The following CYB5R2 variants were observed in gnomAD, a reference collection of about 807,000 sequenced individuals.
The protein encoded by CYB5R2 is NADH-cytochrome b5 reductase 2.
Under a neutral mutation model 29.8 loss-of-function variants are expected in CYB5R2, and 35 were observed. That is an observed-to-expected ratio of 1.17 (90% CI 0.90 to 1.56). CYB5R2 has a LOEUF of 1.56. CYB5R2 is among the 40% of genes most tolerant of loss of function. The pLI, the probability that CYB5R2 is intolerant of heterozygous loss-of-function variation, is 0.00. For synonymous variants in CYB5R2, 169 were observed against 130.6 expected (o/e 1.29, Z -2.01); for missense variants, 419 against 346.7 (o/e 1.21, Z -1.66).
chr11:7,669,613 G>A lies in CYB5R2; in HGVS notation c.258+12C>T. The stretch of plus-strand genomic sequence containing the variant: ...AAGCACGAGCTAGCCAGATATGGTG[G>A]GCACTATTTACCTTTATAATTAGGT... On this transcript the variant is annotated intron_variant, in intron 4 of 8. Coordinates refer to ENST00000299498, the MANE Select transcript of CYB5R2 (RefSeq NM_016229.5). The A allele has an allele frequency of 6.4e-7, 1 of 1,565,878 alleles. No individual in the cohort carries two copies. The highest frequency in any genetic ancestry group is 8.7e-7 in the Non-Finnish European group (1 of 1,153,982).
chr11:7,666,972 G>GTGAT (rs1855303933), intron 7 of CYB5R2: 1 of 158,190 alleles, frequency 6.3e-6, no homozygotes. Context: ...AGAAAGTCCT[G>GTGAT]TGATAGAACA....
In CYB5R2 at chr11:7,673,001, G is replaced by C. The variant is rs115969966; in HGVS notation, c.-66-110C>G. The C allele has an allele frequency of 1.4e-3, 1,509 of 1,077,222 alleles. 19 individuals are homozygous for C. In the African/African-American group the frequency reaches 0.022, roughly 16 times the overall value. The allele number at this position is 1,077,222 out of a possible 1,614,324, so 66.7% of individuals were successfully genotyped here. ...ACCAAAGGCACAGGAGCTGAGCTCT[G>C]CCTGCAGGAAATAGGCAAAGAGAAC... On this transcript the variant is annotated intron_variant, in intron 1 of 8. Transcript: ENST00000299498.
rs141959668 is a variant in CYB5R2, at chr11:7,672,801, T to C, written c.25A>G (p.Ile9Val). Residue 9 changes from isoleucine (I) to valine (V), a missense_variant, in exon 2 of 9, where the codon ATC becomes GTC. Ile to Val is a conservative substitution (Grantham distance 29, BLOSUM62 3). Coordinates refer to ENST00000299498, the MANE Select transcript of CYB5R2 (RefSeq NM_016229.5). ...TTGGCTTCAGGGTCCTGTAAGGTGATTGGCTCTCTCCTCCTGGAGTTCATG... is the reference window on the plus strand; with the variant it reads ...TTGGCTTCAGGGTCCTGTAAGGTGACTGGCTCTCTCCTCCTGGAGTTCATG... MNSRRREP[I>V]TLQDPEAKYP... 8.1e-5 allele frequency: 130 copies of C among 1,614,138 alleles called. No individual in the cohort carries two copies. In the African/African-American group the frequency reaches 1.3e-3, roughly 16 times the overall value.
At chr11:7,669,758 T>G in intron 3 of CYB5R2, 27 bp from the exon 4 acceptor site, 1 of 1,528,580 alleles carries the variant, frequency 6.5e-7, no homozygotes, top group Non-Finnish European at 9.1e-7. Flanking sequence ...AAGCACTGAG[T>G]CAAAGCATAT....
At chr11:7,665,664 T>G (rs960408439) in intron 8 of CYB5R2, 118 bp from the exon 9 acceptor site, 2 of 1,245,804 alleles carry the variant, frequency 1.6e-6, no homozygotes, top group African/African-American at 1.5e-5. Flanking sequence ...CTACAAAGGC[T>G]TAGAAGTCTG....
chr11:7,671,642 C>CACCTAATAGAG (rs1716219096), intron 3 of CYB5R2: 1 of 152,190 alleles, frequency 6.6e-6, no homozygotes, highest in African/African-American at 2.4e-5. Flanking sequence ...GTAATCTCAC[C>CACCTAATAGAG]ACCTGATAGA....
intron 8 of CYB5R2, chr11:7,666,094 G>A (rs534531543): frequency 5.8e-5 from 37 of 636,964 alleles, no homozygotes; most frequent in African/African-American, 9.0e-5. Flanking sequence ...TGTGGTGGCC[G>A]TAAGCAGAAG....
At chr11:7,674,203 G>C, upstream of CYB5R2, 1 of 1,269,342 alleles carries the variant, frequency 7.9e-7, no homozygotes, top group Non-Finnish European at 1.0e-6. Context: ...CAAAGAGCGC[G>C]CGAATATATT....
chr11:7,669,838 G>T, intron 3 of CYB5R2, 107 bp from the exon 4 acceptor site: 3 of 796,892 alleles, frequency 3.8e-6, no homozygotes, highest in Non-Finnish European at 6.3e-6. Flanking sequence ...GGGGCACAAT[G>T]TTAAGAGGGG....
At position 7,666,444 on chromosome 11, in the gene CYB5R2, G is replaced by C. The variant is rs750284551; in HGVS notation, c.658+7C>G. On this transcript the variant is annotated splice_region_variant and intron_variant, in intron 8 of 8. Transcript: ENST00000299498. ...CCCATGGTGAGTGAGGGCAATGGAT[G>C]TCGTACCAATGGGAGGCCTGTCCAG... 1.9e-6 allele frequency: 3 copies of C among 1,589,710 alleles called. No individual in the cohort carries two copies. The highest frequency in any genetic ancestry group is 2.6e-6 in the Non-Finnish European group (3 of 1,158,502).
At chr11:7,667,358 A>G (rs867155524) in intron 7 of CYB5R2, 1 of 153,186 alleles carries the variant, frequency 6.5e-6, no homozygotes, top group Admixed American at 6.5e-5. Context: ...TATATAAATT[A>G]CAAATATATA....
intron 7 of CYB5R2, chr11:7,667,489 A>G (rs1413515134): frequency 2.5e-6 from 1 of 402,694 alleles, no homozygotes; most frequent in African/African-American, 2.1e-5. Flanking sequence ...CATCTTAAGG[A>G]AAAAAGGAAT....
At chr11:7,667,241 G>A (rs1301534354) in intron 7 of CYB5R2, 2 of 151,472 alleles carry the variant, frequency 1.3e-5, no homozygotes, top group Non-Finnish European at 2.9e-5. Context: ...GTGGAAGTTA[G>A]TAAATTATAG....
chr11:7,667,907 A>G, intron 6 of CYB5R2, 94 bp from the exon 7 acceptor site: 2 of 1,025,366 alleles, frequency 2.0e-6, no homozygotes, highest in Admixed American at 1.8e-5. Context: ...CCCCAGCCCA[A>G]GTTATCCTTT....
chr11:7,672,294 A>T, intron 3 of CYB5R2, 157 bp downstream of exon 3: 1 of 622,026 alleles, frequency 1.6e-6, no homozygotes, highest in South Asian at 2.1e-5. Flanking sequence ...TCTGTCCCAC[A>T]TCCATCCCCC....
Position 7,665,572 on chromosome 11 carries a change from A to G in CYB5R2, c.659-26T>C, listed in dbSNP as rs1855080911. 7.6e-6 allele frequency: 12 copies of G among 1,577,862 alleles called. No homozygotes were observed. In the East Asian group the frequency reaches 2.5e-4, roughly 32 times the overall value. The stretch of plus-strand genomic sequence containing the variant: ...CTGAAATGAAGGAGATGCAGGAGCA[A>G]GCTGAGCGATGCCAGGTGGAGTTCC... On this transcript the variant is annotated intron_variant, in intron 8 of 8. Coordinates refer to ENST00000299498, the MANE Select transcript of CYB5R2 (RefSeq NM_016229.5).
intron 7 of CYB5R2, 94 bp downstream of exon 7, chr11:7,667,634 G>T: frequency 8.4e-7 from 1 of 1,185,832 alleles, no homozygotes; most frequent in Non-Finnish European, 1.3e-6. Flanking sequence ...AGGCACCCAA[G>T]CAGCATGAGC....
intron 8 of CYB5R2, chr11:7,665,963 G>A (rs1390934513): frequency 2.1e-5 from 32 of 1,518,484 alleles, no homozygotes; most frequent in African/African-American, 4.1e-5. Flanking sequence ...AGGTACAGCC[G>A]GGAGCAGTGT....
At chr11:7,667,518 G>T in intron 7 of CYB5R2, 1 of 536,132 alleles carries the variant, frequency 1.9e-6, no homozygotes, top group Non-Finnish European at 3.3e-6. Flanking sequence ...CTTAGGGCTG[G>T]CTGAGGAGAC....
Sources: allele counts gnomAD v4.1 joint callset, GRCh38; gene constraint gnomAD v4.1.1; transcripts MANE v1.5; gene names NCBI Gene and HGNC (gene_info 2026-07-23, HGNC 2026-07-21).